ROCK2: variants seen among roughly 807,000 people sequenced by gnomAD.
The protein encoded by ROCK2 is Rho associated coiled-coil containing protein kinase 2, also known as rho-associated protein kinase 2.
In ROCK2, 61 loss-of-function variants were observed where a neutral mutation model predicts 195.1. The ratio of observed to expected loss-of-function variants is 0.31; its 90% CI spans 0.25 to 0.39. The LOEUF is 0.39. ROCK2 is among the 10% of genes least tolerant of loss of function. The pLI is 1.00. For synonymous variants in ROCK2, 504 were observed against 545.5 expected (o/e 0.92, Z 1.06); for missense variants, 1,109 against 1,637.4 (o/e 0.68, Z 5.57).
chr2:11,232,420 C>T (rs1300378136), intron 5 of ROCK2, among the ~76,000 whole-genome samples: 1 of 152,168 alleles, frequency 6.6e-6, no homozygotes, highest in Non-Finnish European at 1.5e-5. Context: ...TGAGCCACCA[C>T]AGCTGGCCAA....
Position 11,224,333 on chromosome 2 carries a change from G to A in ROCK2, c.996C>T (p.Phe332=). 1 of 1,612,016 alleles carries A rather than the reference G, an allele frequency of 6.2e-7. No homozygotes were observed. Among genetic ancestry groups the A allele is most frequent in the Non-Finnish European group, 8.5e-7 (1 of 1,179,104 alleles). ...TCAATGTACATTACCTATCTGTTAA[G>A]AAAGCACAGATGAGATTCTTTGCAT... is the stretch of plus-strand genomic sequence containing the variant. The part of the protein sequence containing the change: ...SKHAKNLICA[F]LTDREVRLGR... The change falls in exon 7 of 33, where the codon TTC becomes TTT. Residue 332 remains phenylalanine, a synonymous_variant. Coordinates refer to ENST00000315872, the MANE Select transcript of ROCK2 (RefSeq NM_004850.5).
chr2:11,205,226 A>G (rs1459300163), intron 20 of ROCK2, among the ~76,000 whole-genome samples: 2 of 152,208 alleles, frequency 1.3e-5, no homozygotes, highest in South Asian at 4.1e-4. Flanking sequence ...ACATATCTGC[A>G]AGGTTAATGG....
intron 1 of ROCK2, among the ~76,000 whole-genome samples, chr2:11,293,629 T>C (rs1043616139): frequency 1.5e-4 from 23 of 152,198 alleles, no homozygotes; most frequent in Admixed American, 3.9e-4. Flanking sequence ...ACAGTACTCT[T>C]CCTGATTTTG....
intron 3 of ROCK2, among the ~76,000 whole-genome samples, chr2:11,265,537 A>T (rs1174108961): frequency 6.6e-6 from 1 of 152,198 alleles, no homozygotes; most frequent in Non-Finnish European, 1.5e-5. Context: ...TAGTTTTGCA[A>T]CAGTCTCCAA....
At chr2:11,218,357 A>C (rs1664504288) in intron 11 of ROCK2, 98 bp downstream of exon 11, 4 of 798,582 alleles carry the variant, frequency 5.0e-6, no homozygotes, top group Non-Finnish European at 3.9e-6. Context: ...GGGTAGATGT[A>C]GTACTCCAAA....
intron 32 of ROCK2, among the ~76,000 whole-genome samples, chr2:11,186,200 C>T (rs1238193019): frequency 1.3e-5 from 2 of 152,198 alleles, no homozygotes; most frequent in East Asian, 3.8e-4. Context: ...ACACATATCG[C>T]AACCTGGCAC....
At chr2:11,319,199 T>C (rs577471093) in intron 1 of ROCK2, among the ~76,000 whole-genome samples, 49 of 152,350 alleles carry the variant, frequency 3.2e-4, no homozygotes, top group African/African-American at 1.0e-3. Flanking sequence ...TTGGGCAGTA[T>C]GGCCATTTCC....
chr2:11,313,666 C>T (rs1668106827), intron 1 of ROCK2, among the ~76,000 whole-genome samples: 1 of 151,740 alleles, frequency 6.6e-6, no homozygotes, highest in African/African-American at 2.4e-5. Flanking sequence ...TAGTTTTGTT[C>T]ACTTTCAGTA....
At chr2:11,184,123 T>C (rs1663106090) in intron 32 of ROCK2, among the ~76,000 whole-genome samples, 1 of 152,232 alleles carries the variant, frequency 6.6e-6, no homozygotes, top group Non-Finnish European at 1.5e-5. Context: ...ATCACTGACA[T>C]TCTTCAGCAA....
chr2:11,217,347 T>C, intron 11 of ROCK2, 178 bp from the exon 12 acceptor site: 1 of 700,644 alleles, frequency 1.4e-6, no homozygotes, highest in East Asian at 2.8e-5. Context: ...AACTCCCCCA[T>C]CTCTTGCTTT....
chr2:11,291,265 G>T (rs572224387), intron 1 of ROCK2, among the ~76,000 whole-genome samples: 83 of 152,226 alleles, frequency 5.5e-4, no homozygotes, highest in African/African-American at 1.8e-3. Context: ...TCTTATTGTT[G>T]TTGGCCAGGT....
At chr2:11,195,938 G>A (rs1663618162) in intron 27 of ROCK2, among the ~76,000 whole-genome samples, 1 of 152,134 alleles carries the variant, frequency 6.6e-6, no homozygotes, top group South Asian at 2.1e-4. Flanking sequence ...TGAATCCTCG[G>A]AATTTGTTTT....
rs1162794830 is a variant in ROCK2 at position 11,339,094 on chromosome 2, G to T, written c.141+4902C>A. ...CACCAGCGGTACACTTCAGATCTGT[G>T]CATTTCATTGCATGCAAATTTAATC... On this transcript the variant is annotated intron_variant, in intron 1 of 32. Transcript: ENST00000315872. 2.6e-5 allele frequency among the ~76,000 whole-genome samples: 4 copies of T among 152,268 alleles called. No homozygotes were observed. In the East Asian group the frequency reaches 7.7e-4, roughly 29 times the overall value.
intron 3 of ROCK2, among the ~76,000 whole-genome samples, chr2:11,250,668 A>G (rs1345308869): frequency 6.6e-6 from 1 of 152,212 alleles, no homozygotes; most frequent in African/African-American, 2.4e-5. Context: ...CTCTAGCTAA[A>G]AAAACCTCTG....
chr2:11,345,402 GCGGCCGGTGCCATCGCTTAGATCCGCC>G (rs1249976900), upstream of ROCK2, among the ~76,000 whole-genome samples: 1 of 152,226 alleles, frequency 6.6e-6, no homozygotes, highest in Non-Finnish European at 1.5e-5. Context: ...TGCCCTCTCG[GCGGCCGGTGCCATCGCTTAGATCCGCC>G]CAGGGCGCAA....
At chr2:11,232,783 T>C (rs192533942) in intron 5 of ROCK2, among the ~76,000 whole-genome samples, 3 of 152,314 alleles carry the variant, frequency 2.0e-5, no homozygotes, top group African/African-American at 7.2e-5. Context: ...ATGGAATCAC[T>C]ATCTAGATTA....
At position 11,180,486 on chromosome 2, in the gene ROCK2, G is replaced by A. The variant is rs754400890; in HGVS notation, c.*2951C>T. 2.6e-5 allele frequency: 4 copies of A among 152,216 alleles called. No homozygotes were observed. Among genetic ancestry groups the A allele is most frequent in the Non-Finnish European group, 5.9e-5 (4 of 68,000 alleles). The allele number at this position is 152,216 out of a possible 1,614,324, so 9.4% of individuals were successfully genotyped here. A position where few individuals can be genotyped will look rare whatever the true frequency, so the allele number is the denominator to read the frequency against. ...TATAGATTTTTAAAACTTGTTTCTAGAGAACATGGTTTTTTAAAATTAATA... is the reference window on the plus strand; with the variant it reads ...TATAGATTTTTAAAACTTGTTTCTAAAGAACATGGTTTTTTAAAATTAATA... On this transcript the variant is annotated 3_prime_UTR_variant, in exon 33 of 33. Transcript: ENST00000315872.
chr2:11,249,895 CA>C, intron 3 of ROCK2, 97 bp from the exon 4 acceptor site: 6 of 1,031,956 alleles, frequency 5.8e-6, no homozygotes, highest in South Asian at 3.7e-5. Flanking sequence ...ACTTCAGTTA[CA>C]AAAAAATGGT....
At chr2:11,246,494 T>C (rs1018713526) in intron 4 of ROCK2, among the ~76,000 whole-genome samples, 1 of 151,732 alleles carries the variant, frequency 6.6e-6, no homozygotes, top group African/African-American at 2.4e-5. Flanking sequence ...ATAACAACAC[T>C]AGAAAAACAC....
Sources: gnomAD v4.1 joint callset for allele counts (sites outside exome capture counted in the v4.1 genomes callset) on GRCh38, gnomAD v4.1.1 for gene constraint, MANE v1.5 for transcripts, NCBI Gene and HGNC (gene_info 2026-07-23, HGNC 2026-07-21) for gene names.